The following DACH2 variants were observed in gnomAD, a reference collection of about 807,000 sequenced individuals.
DACH2 encodes the protein dachshund homolog 2.
In DACH2, 17 loss-of-function variants were observed where a neutral mutation model predicts 35.8. The ratio of observed to expected loss-of-function variants is 0.48; its 90% CI spans 0.33 to 0.71. The LOEUF (loss-of-function observed/expected upper bound fraction) is 0.71, where lower values mean the gene tolerates loss of function less well. Ranked by LOEUF, DACH2 falls within the 30% of genes least tolerant of loss-of-function variation. The probability of loss-of-function intolerance (pLI) is 0.02; values close to 1 mark genes in which losing one functional copy is unlikely to be tolerated. For synonymous variants in DACH2, 195 were observed against 177.3 expected (o/e 1.10, Z -0.79); for missense variants, 469 against 472.7 (o/e 0.99, Z 0.07).
chrX:86,631,441 T>C (rs993474120), intron 3 of DACH2, among the ~76,000 whole-genome samples: 1 of 112,152 alleles, frequency 8.9e-6, no homozygotes, highest in Non-Finnish European at 1.9e-5. Context: ...TGATACATCA[T>C]ATATGACCCA....
intron 2 of DACH2, among the ~76,000 whole-genome samples, chrX:86,493,146 T>C (rs2038117775): frequency 9.0e-6 from 1 of 111,731 alleles, no homozygotes; most frequent in Non-Finnish European, 1.9e-5. Flanking sequence ...TTTTTTTGTT[T>C]TTACTTTTTG....
intron 3 of DACH2, among the ~76,000 whole-genome samples, chrX:86,537,747 G>A (rs905681694): frequency 1.8e-5 from 2 of 111,288 alleles, no homozygotes; most frequent in Non-Finnish European, 3.8e-5. Context: ...ATACAATTTG[G>A]CCACATTCTT....
chrX:86,498,822 A>T (rs1020457314), intron 2 of DACH2, among the ~76,000 whole-genome samples: 11 of 112,090 alleles, frequency 9.8e-5, no homozygotes, highest in Non-Finnish European at 1.3e-4. Context: ...TGCCTGTTGA[A>T]TAGCATTTCT....
intron 1 of DACH2, among the ~76,000 whole-genome samples, chrX:86,185,572 C>A (rs2031657334): frequency 9.0e-6 from 1 of 111,451 alleles, no homozygotes; most frequent in Non-Finnish European, 1.9e-5. Flanking sequence ...TCTCTGGAAT[C>A]TTACTGTTAG....
intron 2 of DACH2, among the ~76,000 whole-genome samples, chrX:86,391,448 G>A (rs2036202164): frequency 9.1e-6 from 1 of 109,867 alleles, no homozygotes; most frequent in Non-Finnish European, 1.9e-5. Context: ...CCAACTATTT[G>A]AAATATTGAA....
At chrX:86,707,375 T>G (rs1313058595) in intron 5 of DACH2, among the ~76,000 whole-genome samples, 1 of 111,748 alleles carries the variant, frequency 8.9e-6, no homozygotes, top group East Asian at 2.8e-4. Context: ...CATGTTCAAA[T>G]GGGTTCACAG....
intron 7 of DACH2, among the ~76,000 whole-genome samples, chrX:86,794,981 C>A (rs2042220802): frequency 1.8e-5 from 2 of 110,967 alleles, no homozygotes; most frequent in South Asian, 7.6e-4. Flanking sequence ...GGTATTTTAA[C>A]TGGAGATAAG....
chrX:86,422,603 C>T (rs949820751), intron 2 of DACH2, among the ~76,000 whole-genome samples: 19 of 110,261 alleles, frequency 1.7e-4, no homozygotes, highest in African/African-American at 5.6e-4. Flanking sequence ...TACAGGCATG[C>T]GATGTGAAAT....
intron 2 of DACH2, chrX:86,481,081 G>A (rs771390902): frequency 8.9e-6 from 1 of 112,063 alleles, no homozygotes; most frequent in Non-Finnish European, 1.9e-5. Context: ...AGAAAGATTA[G>A]TATGTCTTCT....
chrX:86,536,246 T>C (rs919262002), intron 3 of DACH2, among the ~76,000 whole-genome samples: 108 of 105,960 alleles, frequency 1.0e-3, no homozygotes, highest in African/African-American at 3.3e-3. Flanking sequence ...TAAGTCCTGA[T>C]GGAGGAAATG....
chrX:86,232,666 A>T (rs1231130311), intron 1 of DACH2, among the ~76,000 whole-genome samples: 3 of 112,354 alleles, frequency 2.7e-5, no homozygotes, highest in African/African-American at 9.7e-5. Flanking sequence ...CAGAATGGCT[A>T]CTTAAAAAGT....
chrX:86,488,125 A>C (rs2038044679), intron 2 of DACH2, among the ~76,000 whole-genome samples: 1 of 111,907 alleles, frequency 8.9e-6, no homozygotes, highest in Admixed American at 9.5e-5. Context: ...TACACAATCA[A>C]ATTCAGCTCA....
intron 1 of DACH2, among the ~76,000 whole-genome samples, chrX:86,371,308 T>G (rs1005451627): frequency 1.8e-5 from 2 of 111,220 alleles, no homozygotes; most frequent in African/African-American, 6.5e-5. Flanking sequence ...CTCTTGACTC[T>G]GACTTTAAAT....
At chrX:86,667,545 G>GAAAA (rs1556364144) in intron 4 of DACH2, among the ~76,000 whole-genome samples, 5 of 31,378 alleles carry the variant, frequency 1.6e-4, no homozygotes, top group Non-Finnish European at 1.1e-4. Flanking sequence ...AAGAAAGAAA[G>GAAAA]AAGAAAGAAA....
intron 1 of DACH2, among the ~76,000 whole-genome samples, chrX:86,189,087 T>C (rs2031758104): frequency 9.0e-6 from 1 of 111,647 alleles, no homozygotes; most frequent in Admixed American, 9.5e-5. Flanking sequence ...CAATGGACAG[T>C]TGTTGGAAAG....
At chrX:86,239,157 A>G (rs762074445) in intron 1 of DACH2, among the ~76,000 whole-genome samples, 1 of 112,198 alleles carries the variant, frequency 8.9e-6, no homozygotes, top group Non-Finnish European at 1.9e-5. Flanking sequence ...CTTTGATGGG[A>G]TAAAGCATTC....
chrX:86,501,511 A>G (rs2038248453), intron 2 of DACH2, among the ~76,000 whole-genome samples: 1 of 111,738 alleles, frequency 8.9e-6, no homozygotes, highest in Non-Finnish European at 1.9e-5. Flanking sequence ...TCCTTTCCTC[A>G]GTTACTTTGA....
rs2041925172 is a variant in DACH2 at position 86,765,697 on chromosome X, G to GTTTTTTTTT, written c.1240+25815_1240+25816insTTTTTTTTT. ...CTGGTTTTTTTTGTTGTTGTTTTTT[G>GTTTTTTTTT]GTTTTTTTTTTTTTTTTTTTTTTTT... On this transcript the variant is annotated intron_variant, in intron 7 of 11. Coordinates refer to ENST00000373125, the MANE Select transcript of DACH2 (RefSeq NM_053281.3). Among the ~76,000 whole-genome samples the GTTTTTTTTT allele has an allele frequency of 4.5e-4, 16 of 35,209 alleles. 1 individual carries two copies. Among genetic ancestry groups the GTTTTTTTTT allele is most frequent in the East Asian group, 9.9e-4 (1 of 1,007 alleles). The allele number at this position is 35,209 out of a possible 115,157, so 30.6% of individuals were successfully genotyped here. A position where few individuals can be genotyped will look rare whatever the true frequency, so the allele number is the denominator to read the frequency against.
chrX:86,426,230 A>G (rs912097044), intron 2 of DACH2, among the ~76,000 whole-genome samples: 4 of 110,899 alleles, frequency 3.6e-5, no homozygotes, highest in Non-Finnish European at 7.6e-5. Context: ...CCTTCTGTTG[A>G]TGGGGTAACA....
Sources: allele counts gnomAD v4.1 joint callset (sites outside exome capture counted in the v4.1 genomes callset), GRCh38; gene constraint gnomAD v4.1.1; transcripts MANE v1.5; gene names NCBI Gene and HGNC (gene_info 2026-07-23, HGNC 2026-07-21).